SEMA6D: variants seen among roughly 807,000 people sequenced by gnomAD.
The protein encoded by SEMA6D is semaphorin 6D.
A neutral mutation model predicts 106.6 loss-of-function variants in SEMA6D; 35 were observed. The ratio of observed to expected loss-of-function variants is 0.33; its 90% CI spans 0.25 to 0.44. The LOEUF (loss-of-function observed/expected upper bound fraction) is 0.44. SEMA6D is among the 20% of genes least tolerant of loss of function. The pLI is 1.00. For missense variants in SEMA6D, 1,185 were observed against 1,345.9 expected (o/e 0.88, Z 1.87); for synonymous variants, 499 against 487.7 (o/e 1.02, Z -0.31).
intron 3 of SEMA6D, among the ~76,000 whole-genome samples, chr15:47,533,833 C>T (rs1316452664): frequency 1.3e-5 from 2 of 152,210 alleles, no homozygotes; most frequent in Non-Finnish European, 2.9e-5. Context: ...TGGGATACCA[C>T]ATAGGCTTGT....
chr15:47,260,768 G>A (rs978527727), intron 1 of SEMA6D, among the ~76,000 whole-genome samples: 1 of 152,064 alleles, frequency 6.6e-6, no homozygotes, highest in African/African-American at 2.4e-5. Context: ...TTTAAAACCT[G>A]GGAGGGAAAA....
At chr15:47,403,970 T>C (rs1404050466) in intron 1 of SEMA6D, among the ~76,000 whole-genome samples, 3 of 152,150 alleles carry the variant, frequency 2.0e-5, no homozygotes, top group Non-Finnish European at 4.4e-5. Context: ...AAGTTTATGG[T>C]CCCAGCTAGA....
At chr15:47,228,021 T>A (rs1230408256) in intron 1 of SEMA6D, among the ~76,000 whole-genome samples, 1 of 143,136 alleles carries the variant, frequency 7.0e-6, no homozygotes, top group African/African-American at 2.5e-5. Flanking sequence ...AAGAATCATA[T>A]ATTTTTTATA....
intron 2 of SEMA6D, among the ~76,000 whole-genome samples, chr15:47,416,423 G>A (rs1034630995): frequency 6.6e-6 from 1 of 152,088 alleles, no homozygotes; most frequent in African/African-American, 2.4e-5. Flanking sequence ...ATTAAGATGA[G>A]AATAAGGTTA....
At chr15:47,666,000 T>C (rs763351965) in intron 4 of SEMA6D, among the ~76,000 whole-genome samples, 1 of 152,222 alleles carries the variant, frequency 6.6e-6, no homozygotes, top group Non-Finnish European at 1.5e-5. Context: ...GTTAGACATG[T>C]GTCCCAATTC....
intron 1 of SEMA6D, among the ~76,000 whole-genome samples, chr15:47,315,224 A>G (rs1198096393): frequency 6.6e-6 from 1 of 152,036 alleles, no homozygotes; most frequent in Non-Finnish European, 1.5e-5. Context: ...TTATATGCAG[A>G]TTATGTTTGC....
chr15:47,490,645 A>AAAT (rs1156705221), intron 3 of SEMA6D, among the ~76,000 whole-genome samples: 4 of 152,104 alleles, frequency 2.6e-5, no homozygotes, highest in Non-Finnish European at 5.9e-5. Context: ...GCTCTGTCTC[A>AAAT]AATAATAATA....
At chr15:47,401,314 G>A (rs1438646045) in intron 1 of SEMA6D, among the ~76,000 whole-genome samples, 5 of 151,978 alleles carry the variant, frequency 3.3e-5, no homozygotes, top group East Asian at 1.9e-4. Flanking sequence ...AATGTTTGAC[G>A]TGTGCCATGC....
At chr15:47,287,737 TATTCAC>T (rs1333722271) in intron 1 of SEMA6D, among the ~76,000 whole-genome samples, 1 of 152,214 alleles carries the variant, frequency 6.6e-6, no homozygotes, top group Non-Finnish European at 1.5e-5. Flanking sequence ...AATTTCCACT[TATTCAC>T]ATTCACTTCA....
chr15:47,679,298 G>T (rs1437957141), intron 4 of SEMA6D, among the ~76,000 whole-genome samples: 1 of 152,110 alleles, frequency 6.6e-6, no homozygotes, highest in Non-Finnish European at 1.5e-5. Flanking sequence ...GCCCTCTTTG[G>T]TCAATTAGGC....
At chr15:47,228,163 C>CACACACACACATAT (rs374770930) in intron 1 of SEMA6D, among the ~76,000 whole-genome samples, 29,145 of 135,890 alleles carry the variant, frequency 0.21, 3,807 homozygotes, top group Middle Eastern at 0.35. Flanking sequence ...CACACACACA[C>CACACACACACATAT]ATATATATAT....
intron 3 of SEMA6D, among the ~76,000 whole-genome samples, chr15:47,574,775 A>G (rs965344459): frequency 2.0e-5 from 3 of 152,202 alleles, no homozygotes; most frequent in African/African-American, 7.2e-5. Context: ...ATTGACTAAG[A>G]TCTCAGTTCT....
chr15:47,312,676 A>C (rs188400185), intron 1 of SEMA6D, among the ~76,000 whole-genome samples: 19 of 152,288 alleles, frequency 1.2e-4, no homozygotes, highest in Admixed American at 1.1e-3. Flanking sequence ...AACTTCTCTA[A>C]TATCTATATT....
At chr15:47,185,786 T>C (rs544524076) in intron 1 of SEMA6D, 11 of 152,258 alleles carry the variant, frequency 7.2e-5, no homozygotes, top group Middle Eastern at 3.4e-3. Context: ...GATACTCTTA[T>C]TTGACTTTCT....
chr15:47,460,785 T>A (rs2042484133), intron 2 of SEMA6D, among the ~76,000 whole-genome samples: 1 of 152,150 alleles, frequency 6.6e-6, no homozygotes, highest in Admixed American at 6.6e-5. Flanking sequence ...TGTTATAGAT[T>A]TGGTAAACGT....
intron 2 of SEMA6D, among the ~76,000 whole-genome samples, chr15:47,460,524 A>C (rs1399794703): frequency 6.6e-6 from 1 of 152,122 alleles, no homozygotes; most frequent in Non-Finnish European, 1.5e-5. Flanking sequence ...ATTAAAAACT[A>C]CATCATGATG....
At chr15:47,719,293 A>C (rs573693637) in intron 1 of SEMA6D, among the ~76,000 whole-genome samples, 1 of 152,258 alleles carries the variant, frequency 6.6e-6, no homozygotes, top group South Asian at 2.1e-4. Context: ...CGTCAGCTGG[A>C]TGATCTCACA....
intron 3 of SEMA6D, among the ~76,000 whole-genome samples, chr15:47,494,790 A>ATATATATATATAT: frequency 1.2e-5 from 1 of 82,848 alleles, no homozygotes; most frequent in South Asian, 3.9e-4. Flanking sequence ...ATATATATAT[A>ATATATATATATAT]ATCTCCAGAT....
At chr15:47,394,048 T>C (rs2040127749) in intron 1 of SEMA6D, among the ~76,000 whole-genome samples, 1 of 152,164 alleles carries the variant, frequency 6.6e-6, no homozygotes, top group East Asian at 1.9e-4. Context: ...TTATACCTAC[T>C]CTCTTAATCA....
Sources: gnomAD v4.1 joint callset for allele counts (sites outside exome capture counted in the v4.1 genomes callset) on GRCh38, gnomAD v4.1.1 for gene constraint, MANE v1.5 for transcripts, NCBI Gene and HGNC (gene_info 2026-07-23, HGNC 2026-07-21) for gene names.